TLN2: variants seen among roughly 807,000 people sequenced by gnomAD.
TLN2 encodes the protein talin-2.
TLN2 carries 118 observed loss-of-function variants against 294.7 expected under a neutral mutation model. The ratio of observed to expected loss-of-function variants is 0.40; its 90% CI spans 0.34 to 0.47. The LOEUF (loss-of-function observed/expected upper bound fraction) is 0.47. Among genes scored for constraint, TLN2 ranks in the 20% least tolerant of loss-of-function variants. The probability of loss-of-function intolerance (pLI) is 0.84; values close to 1 mark genes in which losing one functional copy is unlikely to be tolerated. For missense variants in TLN2, 3,083 were observed against 3,282.2 expected (o/e 0.94, Z 1.48); for synonymous variants, 1,431 against 1,304.5 (o/e 1.10, Z -2.09).
At chr15:62,475,355 G>C (rs536534085) in intron 1 of TLN2, among the ~76,000 whole-genome samples, 3 of 152,146 alleles carry the variant, frequency 2.0e-5, no homozygotes, top group Non-Finnish European at 4.4e-5. Context: ...CACGCTCCTC[G>C]TTTTATAGAT....
chr15:62,612,954 A>G (rs373193318), intron 2 of TLN2, among the ~76,000 whole-genome samples: 1 of 152,358 alleles, frequency 6.6e-6, no homozygotes, highest in South Asian at 2.1e-4. Flanking sequence ...AGTTCACAGG[A>G]TTATGTATTG....
At chr15:62,527,531 T>A (rs2040807522) in intron 1 of TLN2, among the ~76,000 whole-genome samples, 1 of 152,204 alleles carries the variant, frequency 6.6e-6, no homozygotes, top group Non-Finnish European at 1.5e-5. Context: ...GCAAAAATGA[T>A]GACCTCATAG....
intron 21 of TLN2, among the ~76,000 whole-genome samples, chr15:62,709,839 A>G (rs1197336456): frequency 1.3e-5 from 2 of 151,784 alleles, no homozygotes; most frequent in Non-Finnish European, 2.9e-5. Context: ...GGTTCGAGAG[A>G]TACTCTTGCC....
chr15:62,560,740 C>T (rs973240188), intron 1 of TLN2, among the ~76,000 whole-genome samples: 1 of 152,264 alleles, frequency 6.6e-6, no homozygotes. Flanking sequence ...CCCTGCTCCT[C>T]AGCCCTTCTT....
chr15:62,748,461 G>A lies in TLN2; in HGVS notation c.4119+17G>A. 1 of 1,595,018 alleles carries A rather than the reference G, an allele frequency of 6.3e-7. No individual in the cohort carries two copies. The highest frequency in any genetic ancestry group is 1.1e-5 in the South Asian group (1 of 90,648). ...GAGCTCGAGGTAGGTCCCTGGGAAG[G>A]CTGCTGAGGACTTGAGAGAGGGAGT... On this transcript the variant is annotated intron_variant, in intron 33 of 58. Transcript: ENST00000636159.
At chr15:62,839,359 G>C (rs77628766) in intron 58 of TLN2, among the ~76,000 whole-genome samples, 5 of 152,198 alleles carry the variant, frequency 3.3e-5, no homozygotes, top group African/African-American at 1.2e-4. Flanking sequence ...TATATTTTTT[G>C]TGAGTAGCAT....
chr15:62,708,391 G>A, intron 20 of TLN2, 111 bp from the exon 21 acceptor site: 1 of 1,129,838 alleles, frequency 8.9e-7, no homozygotes, highest in Non-Finnish European at 1.3e-6. Context: ...GGTCCTGTAA[G>A]TAAGAAACCG....
At chr15:62,513,979 T>C (rs991795840) in intron 1 of TLN2, among the ~76,000 whole-genome samples, 2 of 152,236 alleles carry the variant, frequency 1.3e-5, no homozygotes, top group Non-Finnish European at 2.9e-5. Context: ...CTCCGCCCTC[T>C]ACTAACCAAA....
intron 54 of TLN2, among the ~76,000 whole-genome samples, chr15:62,823,014 A>G (rs984976911): frequency 6.6e-6 from 1 of 152,216 alleles, no homozygotes; most frequent in Non-Finnish European, 1.5e-5. Context: ...CTAGGATCAT[A>G]TAGCCTTTGT....
At chr15:62,836,803 G>A (rs980322024) in intron 57 of TLN2, among the ~76,000 whole-genome samples, 5 of 152,128 alleles carry the variant, frequency 3.3e-5, no homozygotes, top group African/African-American at 9.7e-5. Flanking sequence ...CTTTCTGTTC[G>A]TTTTTATCTA....
intron 1 of TLN2, among the ~76,000 whole-genome samples, chr15:62,435,913 C>T (rs1417468890): frequency 1.3e-5 from 2 of 152,178 alleles, no homozygotes; most frequent in East Asian, 3.8e-4. Context: ...TTGTCTTTGT[C>T]ACTAGCTTTT....
chr15:62,752,328 G>T lies in TLN2; in HGVS notation c.4233G>T (p.Gly1411=). ...AGGTTCTGGGTGAATCGATGGCAGGGATTTCACAGAATGCCAAGACCGGAG... is the reference window on the plus strand; with the variant it reads ...AGGTTCTGGGTGAATCGATGGCAGGTATTTCACAGAATGCCAAGACCGGAG... ...NSKVLGESMA[G]ISQNAKTGDL... The change falls in exon 35 of 59, where the codon GGG becomes GGT. Residue 1411 remains glycine, a synonymous_variant. Transcript: ENST00000636159. 1 of 1,614,172 alleles carries T rather than the reference G, an allele frequency of 6.2e-7. No homozygotes were observed. The highest frequency in any genetic ancestry group is 8.5e-7 in the Non-Finnish European group (1 of 1,180,028).
At chr15:62,433,945 C>A (rs931028986) in intron 1 of TLN2, among the ~76,000 whole-genome samples, 1 of 152,108 alleles carries the variant, frequency 6.6e-6, no homozygotes, top group Non-Finnish European at 1.5e-5. Context: ...GCCGAGATCA[C>A]GCCACTGCAC....
intron 2 of TLN2, among the ~76,000 whole-genome samples, chr15:62,595,306 G>T (rs966076225): frequency 6.6e-6 from 1 of 151,172 alleles, no homozygotes; most frequent in Non-Finnish European, 1.5e-5. Context: ...TGTAATCCCA[G>T]CTACTTGGGA....
chr15:62,792,239 C>A (rs1596008944), intron 45 of TLN2, among the ~76,000 whole-genome samples: 1 of 152,322 alleles, frequency 6.6e-6, no homozygotes, highest in African/African-American at 2.4e-5. Context: ...AAATTAAACA[C>A]ATTACCTGCT....
At chr15:62,570,981 C>G (rs1464589068) in intron 1 of TLN2, among the ~76,000 whole-genome samples, 1 of 151,706 alleles carries the variant, frequency 6.6e-6, no homozygotes, top group African/African-American at 2.4e-5. Flanking sequence ...AACCTTCACA[C>G]TTACTTAAGG....
At chr15:62,767,495 C>T (rs1199009388) in intron 41 of TLN2, among the ~76,000 whole-genome samples, 1 of 152,114 alleles carries the variant, frequency 6.6e-6, no homozygotes, top group Non-Finnish European at 1.5e-5. Flanking sequence ...GCATGCACCA[C>T]CATGCCCGGC....
At chr15:62,839,389 G>A (rs566382712) in intron 58 of TLN2, among the ~76,000 whole-genome samples, 1 of 152,294 alleles carries the variant, frequency 6.6e-6, no homozygotes, top group South Asian at 2.1e-4. Context: ...TAAAAATCAA[G>A]GATTCTATTG....
At chr15:62,752,546 G>T in intron 35 of TLN2, 119 bp downstream of exon 35, 1 of 1,414,350 alleles carries the variant, frequency 7.1e-7, no homozygotes, top group Non-Finnish European at 9.5e-7. Flanking sequence ...GGGAAAGGCA[G>T]TGGCTTCTGT....
Sources: gnomAD v4.1 joint callset for allele counts (sites outside exome capture counted in the v4.1 genomes callset) on GRCh38, gnomAD v4.1.1 for gene constraint, MANE v1.5 for transcripts, NCBI Gene and HGNC (gene_info 2026-07-23, HGNC 2026-07-21) for gene names.